Variants in ZBTB20 observed in about 807,000 individuals in gnomAD.
ZBTB20 encodes the protein zinc finger and BTB domain-containing protein 20.
ZBTB20 carries 9 observed loss-of-function variants against 56.9 expected under a neutral mutation model. That is an observed-to-expected ratio of 0.16 (90% CI 0.10 to 0.28). ZBTB20 has a LOEUF of 0.28. Ranked by LOEUF, ZBTB20 falls within the 10% of genes least tolerant of loss-of-function variation. The pLI, the probability that ZBTB20 is intolerant of heterozygous loss-of-function variation, is 1.00. For synonymous variants in ZBTB20, 417 were observed against 420.7 expected (o/e 0.99, Z 0.11); for missense variants, 655 against 1,003.0 (o/e 0.65, Z 4.69).
intron 1 of ZBTB20, among the ~76,000 whole-genome samples, chr3:115,099,327 T>A (rs1296214687): frequency 6.6e-6 from 1 of 152,020 alleles, no homozygotes; most frequent in African/African-American, 2.4e-5. Context: ...AGCCCCTCAC[T>A]CCACCCTCCC....
intron 2 of ZBTB20, among the ~76,000 whole-genome samples, chr3:115,033,664 A>C (rs963873493): frequency 6.6e-6 from 1 of 151,638 alleles, no homozygotes; most frequent in African/African-American, 2.4e-5. Context: ...ATATATACAT[A>C]ATGAAGTACT....
chr3:115,069,962 A>G (rs1010455736), intron 2 of ZBTB20, among the ~76,000 whole-genome samples: 3 of 152,180 alleles, frequency 2.0e-5, no homozygotes, highest in Non-Finnish European at 4.4e-5. Flanking sequence ...TATTTAACTT[A>G]TTTAAAGTTA....
chr3:114,633,247 C>T lies in ZBTB20; in HGVS notation c.-295+60281G>A, dbSNP rs1025517136. 4.6e-5 allele frequency among the ~76,000 whole-genome samples: 7 copies of T among 152,286 alleles called. No individual in the cohort carries two copies. The East Asian group carries it at 9.6e-4, about 21-fold the overall frequency. On this transcript the variant is annotated intron_variant, in intron 6 of 11. Coordinates refer to ENST00000675478, the MANE Select transcript of ZBTB20 (RefSeq NM_001348800.3). Reference sequence around the variant, plus strand: ...GCAAAAGGGCAGGTTTCATTGTGGGCTGCTGGGCCTACAGTCAAATGTTTC... The same window carrying T: ...GCAAAAGGGCAGGTTTCATTGTGGGTTGCTGGGCCTACAGTCAAATGTTTC...
chr3:114,350,654 A>G lies in ZBTB20; in HGVS notation c.1424T>C (p.Leu475Pro). 1 of 1,614,124 alleles carries G rather than the reference A, an allele frequency of 6.2e-7. No individual in the cohort carries two copies. The highest frequency in any genetic ancestry group is 8.5e-7 in the Non-Finnish European group (1 of 1,180,020). ...SIGQPLPSTQ[L>P]YLRQTETLTS... The stretch of plus-strand genomic sequence containing the variant: ...GAGGGTTTCTGTCTGGCGTAAGTAG[A>G]GCTGGGTACTTGGCAATGGCTGCCC... Residue 475 changes from leucine to proline, a missense_variant, in exon 11 of 12, where the codon CTC (leucine) becomes CCC (proline). Coordinates refer to ENST00000675478, the MANE Select transcript of ZBTB20 (RefSeq NM_001348800.3).
chr3:114,575,470 T>C (rs1372665448), intron 6 of ZBTB20, among the ~76,000 whole-genome samples: 2 of 152,118 alleles, frequency 1.3e-5, no homozygotes, highest in Admixed American at 6.5e-5. Flanking sequence ...TATCCTAGCA[T>C]ATTGCAGATT....
At chr3:114,582,001 A>G (rs980975202) in intron 6 of ZBTB20, 1 of 152,238 alleles carries the variant, frequency 6.6e-6, no homozygotes, top group African/African-American at 2.4e-5. Flanking sequence ...GAATTGATAA[A>G]TAAATTTTAG....
intron 3 of ZBTB20, among the ~76,000 whole-genome samples, chr3:114,962,285 A>T (rs1164478063): frequency 6.6e-6 from 1 of 152,118 alleles, no homozygotes; most frequent in Non-Finnish European, 1.5e-5. Flanking sequence ...TAATACAACA[A>T]CCATACACAA....
chr3:114,703,630 A>G (rs1014893521), intron 5 of ZBTB20, among the ~76,000 whole-genome samples: 3 of 152,328 alleles, frequency 2.0e-5, no homozygotes, highest in Admixed American at 2.0e-4. Context: ...AATAAAGCAA[A>G]AACTCACAAC....
At chr3:114,601,393 G>T (rs1396281442) in intron 6 of ZBTB20, among the ~76,000 whole-genome samples, 1 of 152,046 alleles carries the variant, frequency 6.6e-6, no homozygotes, top group African/African-American at 2.4e-5. Context: ...ATATTTTGCT[G>T]TAAGCAGACG....
At chr3:114,777,029 T>G (rs144524494) in intron 5 of ZBTB20, among the ~76,000 whole-genome samples, 137 of 152,260 alleles carry the variant, frequency 9.0e-4, no homozygotes, top group African/African-American at 3.2e-3. Context: ...ATTATCAGTA[T>G]CATTAACTTT....
intron 6 of ZBTB20, among the ~76,000 whole-genome samples, chr3:114,512,350 C>A (rs1258223224): frequency 6.6e-6 from 1 of 152,036 alleles, no homozygotes; most frequent in African/African-American, 2.4e-5. Flanking sequence ...ATTAATTCAA[C>A]AAATAGTTTT....
rs373983725 is a variant in ZBTB20, at chr3:114,679,881, C to T, written c.-295+13647G>A. Among the ~76,000 whole-genome samples the T allele has an allele frequency of 7.8e-4, 118 of 152,162 alleles. 2 individuals carry two copies. The East Asian group carries it at 0.012, about 15-fold the overall frequency. ...ATTCACAATGTCAAAAACTTGGAAC[C>T]GACCCAAATGCCCATCAATGATTGA... On this transcript the variant is annotated intron_variant, in intron 6 of 11. Transcript: ENST00000675478.
chr3:115,011,297 C>T (rs918382039), intron 2 of ZBTB20, among the ~76,000 whole-genome samples: 4 of 151,704 alleles, frequency 2.6e-5, no homozygotes, highest in South Asian at 2.1e-4. Context: ...ATTCCAAGTA[C>T]GAGAAGGTTA....
chr3:114,624,500 G>A (rs888822496), intron 6 of ZBTB20, among the ~76,000 whole-genome samples: 2 of 152,100 alleles, frequency 1.3e-5, no homozygotes, highest in Admixed American at 6.5e-5. Context: ...GAATCAAAAA[G>A]GAAAGGAGAA....
Position 114,316,302 on chromosome 3 carries a change from C to T in ZBTB20, c.*22703G>A, listed in dbSNP as rs1041191495. On this transcript the variant is annotated 3_prime_UTR_variant, in exon 12 of 12. Coordinates refer to ENST00000675478, the MANE Select transcript of ZBTB20 (RefSeq NM_001348800.3). ...CTTGTTACAATCCATTCTTTATGAA[C>T]ATACAGAAATGACCAAAGTCACTGC... 2.7e-6 allele frequency: 1 copy of T among 371,388 alleles called. No individual in the cohort carries two copies. The allele number at this position is 371,388 out of a possible 1,614,324, so 23.0% of individuals were successfully genotyped here.
At chr3:114,863,308 A>G (rs2075615836) in intron 4 of ZBTB20, among the ~76,000 whole-genome samples, 1 of 152,154 alleles carries the variant, frequency 6.6e-6, no homozygotes, top group African/African-American at 2.4e-5. Flanking sequence ...AGTTATCTAT[A>G]TTAGTTATTC....
intron 4 of ZBTB20, among the ~76,000 whole-genome samples, chr3:114,830,841 C>G (rs2073800092): frequency 6.6e-6 from 1 of 151,840 alleles, no homozygotes; most frequent in African/African-American, 2.4e-5. Context: ...AATTGCGCTC[C>G]AAATGTACTA....
chr3:114,491,355 G>A (rs936110788), intron 7 of ZBTB20, among the ~76,000 whole-genome samples: 4 of 152,144 alleles, frequency 2.6e-5, no homozygotes, highest in African/African-American at 4.8e-5. Context: ...GAGTCCTACT[G>A]TATTTCTCTG....
intron 1 of ZBTB20, among the ~76,000 whole-genome samples, 130 bp from the exon 2 acceptor site, chr3:115,071,544 A>C (rs1443175821): frequency 6.6e-6 from 1 of 152,218 alleles, no homozygotes; most frequent in Non-Finnish European, 1.5e-5. Context: ...AGGGAATTTA[A>C]GATAATTCCC....
Sources: gnomAD v4.1 joint callset for allele counts (sites outside exome capture counted in the v4.1 genomes callset) on GRCh38, gnomAD v4.1.1 for gene constraint, MANE v1.5 for transcripts, NCBI Gene and HGNC (gene_info 2026-07-23, HGNC 2026-07-21) for gene names.